CHN2: variants seen among roughly 807,000 people sequenced by gnomAD.
CHN2 encodes the protein beta-chimaerin.
Under a neutral mutation model 56.3 loss-of-function variants are expected in CHN2, and 35 were observed. The ratio of observed to expected loss-of-function variants is 0.62; its 90% confidence interval spans 0.47 to 0.82. The LOEUF (loss-of-function observed/expected upper bound fraction) is 0.82. Among genes scored for constraint, CHN2 ranks in the 40% least tolerant of loss-of-function variants. The pLI, the probability that CHN2 is intolerant of heterozygous loss-of-function variation, is 0.00. For synonymous variants in CHN2, 210 were observed against 212.8 expected (o/e 0.99, Z 0.12); for missense variants, 491 against 580.5 (o/e 0.85, Z 1.58).
intron 2 of CHN2, among the ~76,000 whole-genome samples, chr7:29,182,337 A>C (rs1423485106): frequency 6.6e-6 from 1 of 152,246 alleles, no homozygotes; most frequent in South Asian, 2.1e-4. Context: ...CCACCTACCA[A>C]TAATGAAATA....
At chr7:29,468,101 T>TG (rs1385329680) in intron 6 of CHN2, among the ~76,000 whole-genome samples, 1 of 137,298 alleles carries the variant, frequency 7.3e-6, no homozygotes, top group Non-Finnish European at 1.5e-5. Flanking sequence ...TCAGCTCCAA[T>TG]GGGCCGCCAT....
chr7:29,376,607 T>G (rs1211896613), intron 3 of CHN2: 1 of 152,256 alleles, frequency 6.6e-6, no homozygotes, highest in African/African-American at 2.4e-5. Context: ...CTGTTCTTGC[T>G]TCTCTCTGCT....
At chr7:29,362,595 C>T (rs749465169) in intron 2 of CHN2, among the ~76,000 whole-genome samples, 11 of 152,196 alleles carry the variant, frequency 7.2e-5, no homozygotes, top group Non-Finnish European at 1.2e-4. Context: ...ACACATCCCA[C>T]GCCCTGGCTC....
At chr7:29,201,812 A>G (rs1475950625) in intron 1 of CHN2, among the ~76,000 whole-genome samples, 1 of 152,224 alleles carries the variant, frequency 6.6e-6, no homozygotes, top group Non-Finnish European at 1.5e-5. Context: ...CTAAAAAGAG[A>G]AAATCTGATC....
At chr7:29,346,064 A>G (rs962845640) in intron 1 of CHN2, among the ~76,000 whole-genome samples, 1 of 152,262 alleles carries the variant, frequency 6.6e-6, no homozygotes, top group South Asian at 2.1e-4. Context: ...CTAATTTCTC[A>G]GGGGAGTGCA....
chr7:29,437,788 A>G (rs1783350478), intron 6 of CHN2, among the ~76,000 whole-genome samples: 1 of 152,024 alleles, frequency 6.6e-6, no homozygotes, highest in Admixed American at 6.5e-5. Context: ...TCTGAAAAAG[A>G]CAGGAATAAA....
chr7:29,364,720 G>T (rs1219948239), intron 2 of CHN2, among the ~76,000 whole-genome samples: 1 of 152,196 alleles, frequency 6.6e-6, no homozygotes, highest in Non-Finnish European at 1.5e-5. Flanking sequence ...ATTAAAAGAA[G>T]CCTTCTCTGA....
chr7:29,298,982 G>C (rs1442266836), intron 1 of CHN2, among the ~76,000 whole-genome samples: 1 of 152,102 alleles, frequency 6.6e-6, no homozygotes, highest in African/African-American at 2.4e-5. Context: ...TTTTACCAAG[G>C]CCTCTTATTT....
At chr7:29,238,602 G>C (rs1454211732) in intron 1 of CHN2, among the ~76,000 whole-genome samples, 1 of 152,118 alleles carries the variant, frequency 6.6e-6, no homozygotes, top group African/African-American at 2.4e-5. Context: ...TTCTAGCTGA[G>C]AGTTACAACA....
At chr7:29,438,558 C>G (rs1041517654) in intron 6 of CHN2, among the ~76,000 whole-genome samples, 1 of 152,060 alleles carries the variant, frequency 6.6e-6, no homozygotes, top group African/African-American at 2.4e-5. Flanking sequence ...ATCCTTGTAG[C>G]TAAATCTTTG....
intron 7 of CHN2, among the ~76,000 whole-genome samples, chr7:29,482,805 T>TC (rs1787443260): frequency 6.1e-5 from 1 of 16,526 alleles, no homozygotes; most frequent in Non-Finnish European, 1.1e-4. Context: ...TTCTTTTTTT[T>TC]TTTTTTTTTT....
intron 6 of CHN2, among the ~76,000 whole-genome samples, chr7:29,401,903 C>T (rs144596511): frequency 3.3e-5 from 5 of 152,274 alleles, no homozygotes; most frequent in African/African-American, 7.2e-5. Flanking sequence ...CTATCTGTTT[C>T]CCACTGAAAG....
At chr7:29,159,626 G>A (rs189586262) in intron 2 of CHN2, among the ~76,000 whole-genome samples, 13 of 152,026 alleles carry the variant, frequency 8.6e-5, no homozygotes, top group South Asian at 4.2e-4. Flanking sequence ...TCCCCGCTTC[G>A]TGCAGAGGAC....
At chr7:29,197,792 A>G (rs952651922) in intron 1 of CHN2, 31 of 382,932 alleles carry the variant, frequency 8.1e-5, no homozygotes. Context: ...AGCAACCTCT[A>G]TTCCAGTTTG....
intron 1 of CHN2, among the ~76,000 whole-genome samples, chr7:29,215,100 CA>C (rs1785236373): frequency 6.6e-6 from 1 of 152,136 alleles, no homozygotes; most frequent in South Asian, 2.1e-4. Context: ...TAAAGGAGTT[CA>C]CAGTCCAAAG....
At chr7:29,237,888 G>A (rs1787321155) in intron 1 of CHN2, among the ~76,000 whole-genome samples, 1 of 152,120 alleles carries the variant, frequency 6.6e-6, no homozygotes, top group Non-Finnish European at 1.5e-5. Flanking sequence ...GAGGGGCCAG[G>A]AAGTTTAAAA....
chr7:29,424,277 T>G (rs1804628440), intron 6 of CHN2, among the ~76,000 whole-genome samples: 1 of 152,224 alleles, frequency 6.6e-6, no homozygotes, highest in African/African-American at 2.4e-5. Flanking sequence ...ACCTTCCATT[T>G]ATGGGTTTGT....
chr7:29,471,687 T>TG (rs1357079958), intron 6 of CHN2, among the ~76,000 whole-genome samples: 1 of 152,148 alleles, frequency 6.6e-6, no homozygotes, highest in African/African-American at 2.4e-5. Context: ...GCGTGGCAGC[T>TG]GGGCATGGTG....
chr7:29,304,637 C>T (rs945831260), intron 1 of CHN2, among the ~76,000 whole-genome samples: 1 of 152,176 alleles, frequency 6.6e-6, no homozygotes, highest in Non-Finnish European at 1.5e-5. Flanking sequence ...CCAAGACCCC[C>T]TTTCAGGAGT....
Sources: allele counts gnomAD v4.1 joint callset (sites outside exome capture counted in the v4.1 genomes callset), GRCh38; gene constraint gnomAD v4.1.1; transcripts MANE v1.5; gene names NCBI Gene and HGNC (gene_info 2026-07-23, HGNC 2026-07-21).